MYLK3: variants seen among roughly 807,000 people sequenced by gnomAD.
MYLK3 encodes the protein myosin light chain kinase 3.
Under a neutral mutation model 76.3 loss-of-function variants are expected in MYLK3, and 55 were observed. That is an observed-to-expected ratio of 0.72 (90% confidence interval 0.58 to 0.90). MYLK3 has a LOEUF of 0.90. MYLK3 is among the 40% of genes least tolerant of loss of function. The pLI, the probability that MYLK3 is intolerant of heterozygous loss-of-function variation, is 0.00. For synonymous variants in MYLK3, 416 were observed against 425.4 expected, an observed-to-expected ratio of 0.98 and a Z score of 0.27; for missense variants, 973 against 1,053.6, an observed-to-expected ratio of 0.92 and a Z score of 1.06.
chr16:46,730,694 G>A lies in MYLK3; in HGVS notation c.1467C>T (p.Asp489=). ...GAEAGSVVLD[D]SPAPPAPFEH... ...CAAAAGGAGCTGGTGGGGCCGGACT[G>A]TCATCTGCTCAGGAGGCAATAAGGA... The change falls in exon 5 of 13, where the codon GAC becomes GAT. Residue 489 remains aspartate, a synonymous_variant. Coordinates refer to ENST00000394809, the MANE Select transcript of MYLK3 (RefSeq NM_182493.3). 1 of 1,613,898 alleles carries A rather than the reference G, an allele frequency of 6.2e-7. No individual in the cohort carries two copies. Among genetic ancestry groups the A allele is most frequent in the Non-Finnish European group, 8.5e-7 (1 of 1,179,992 alleles).
chr16:46,728,173 C>T (rs1596758472), intron 7 of MYLK3, among the ~76,000 whole-genome samples: 2 of 152,174 alleles, frequency 1.3e-5, no homozygotes, highest in East Asian at 3.8e-4. Flanking sequence ...AAAACAGCAA[C>T]ACAAGCACAA....
chr16:46,744,561 C>T (rs1478510885), intron 1 of MYLK3, among the ~76,000 whole-genome samples: 1 of 151,836 alleles, frequency 6.6e-6, no homozygotes, highest in Non-Finnish European at 1.5e-5. Flanking sequence ...AGGCTGGTCT[C>T]GAACTCCTGA....
chr16:46,729,252 C>G (rs1324582963), intron 6 of MYLK3, 119 bp from the exon 7 acceptor site: 2 of 783,048 alleles, frequency 2.6e-6, no homozygotes, highest in Non-Finnish European at 4.4e-6. Context: ...ATTCTCACAC[C>G]AGGTCTCCCT....
intron 8 of MYLK3, chr16:46,726,696 A>T (rs1285650170): frequency 6.7e-6 from 1 of 149,446 alleles, no homozygotes; most frequent in Non-Finnish European, 1.5e-5. Context: ...AAAGAAAGAA[A>T]GAAAGAAAGA....
intron 9 of MYLK3, among the ~76,000 whole-genome samples, chr16:46,718,858 C>T (rs1051526378): frequency 1.1e-4 from 17 of 150,870 alleles, no homozygotes; most frequent in Admixed American, 6.0e-4. Context: ...TCCAGCTACT[C>T]GGGAGGCTGA....
chr16:46,718,517 G>A (rs1195424630), intron 9 of MYLK3, among the ~76,000 whole-genome samples: 1 of 152,240 alleles, frequency 6.6e-6, no homozygotes, highest in Non-Finnish European at 1.5e-5. Flanking sequence ...AGCACTGAGG[G>A]TGTAGGTGCT....
intron 9 of MYLK3, among the ~76,000 whole-genome samples, chr16:46,718,012 C>T (rs1485666392): frequency 6.6e-6 from 1 of 152,204 alleles, no homozygotes; most frequent in Non-Finnish European, 1.5e-5. Context: ...AATATTGCCC[C>T]ATGGGGGACA....
In MYLK3 at chr16:46,704,449, A is replaced by G. The variant is rs1023172987; in HGVS notation, c.*3255T>C. Reference sequence around the variant, plus strand: ...TAGTATGAGAAAAAGAATATAAAATATCTCTTTTTTTTTGAGACGGAGTTT... The same window carrying G: ...TAGTATGAGAAAAAGAATATAAAATGTCTCTTTTTTTTTGAGACGGAGTTT... On this transcript the variant is annotated 3_prime_UTR_variant, in exon 13 of 13. Transcript: ENST00000394809. 5.3e-5 allele frequency: 8 copies of G among 151,694 alleles called. No individual in the cohort carries two copies. The highest frequency in any genetic ancestry group is 1.9e-4 in the African/African-American group (8 of 41,236). The allele number at this position is 151,694 out of a possible 1,614,324, so 9.4% of individuals were successfully genotyped here.
chr16:46,739,122 T>C (rs1281454383), intron 2 of MYLK3, among the ~76,000 whole-genome samples: 1 of 152,158 alleles, frequency 6.6e-6, no homozygotes, highest in Non-Finnish European at 1.5e-5. Context: ...ATTACAGGTG[T>C]GAGCCACCGT....
At chr16:46,730,440 C>CTCTGTGGG (rs1966850336) in intron 5 of MYLK3, among the ~76,000 whole-genome samples, 153 bp downstream of exon 5, 1 of 152,146 alleles carries the variant, frequency 6.6e-6, no homozygotes, top group African/African-American at 2.4e-5. Context: ...CCACCATGCA[C>CTCTGTGGG]CCCATGCTGT....
At chr16:46,740,545 ATATATATT>A (rs1966913083) in intron 1 of MYLK3, among the ~76,000 whole-genome samples, 1 of 99,570 alleles carries the variant, frequency 1.0e-5, no homozygotes, top group African/African-American at 3.7e-5. Context: ...ACATATATAT[ATATATATT>A]TTTTTTTTTT....
At chr16:46,735,087 G>A (rs1007998418) in intron 3 of MYLK3, among the ~76,000 whole-genome samples, 1 of 151,922 alleles carries the variant, frequency 6.6e-6, no homozygotes, top group Non-Finnish European at 1.5e-5. Context: ...GCTGAAGTGA[G>A]CCGAGATGGC....
intron 1 of MYLK3, among the ~76,000 whole-genome samples, chr16:46,758,480 G>C (rs1274522672): frequency 6.6e-6 from 1 of 152,124 alleles, no homozygotes; most frequent in Non-Finnish European, 1.5e-5. Flanking sequence ...CAGCCCTGTG[G>C]GGTGGGTCAT....
rs192343452 is a variant in MYLK3 at position 46,718,437 on chromosome 16, A to T, written c.1985+2686T>A. Among the ~76,000 whole-genome samples the T allele has an allele frequency of 1.3e-4, 20 of 152,334 alleles. No individual in the cohort carries two copies. The East Asian group carries it at 3.7e-3, about 28-fold the overall frequency. On this transcript the variant is annotated intron_variant, in intron 9 of 12. Coordinates refer to ENST00000394809, the MANE Select transcript of MYLK3 (RefSeq NM_182493.3). ...TACACTAGCAGCACATGGGGCACTG[A>T]AAATGCATCATCACACTGCAAATGG...
rs2143017200 is a variant in MYLK3 at position 46,747,903 on chromosome 16, C to T, written c.291G>A (p.Val97=). 6.2e-7 allele frequency: 1 copy of T among 1,613,908 alleles called. No individual in the cohort carries two copies. Among genetic ancestry groups the T allele is most frequent in the East Asian group, 2.2e-5 (1 of 44,880 alleles). Residue 97 remains valine, a synonymous_variant, in exon 1 of 13, where the codon GTG becomes GTA. Coordinates refer to ENST00000394809, the MANE Select transcript of MYLK3 (RefSeq NM_182493.3). ...QAGWPEVLEL[V]RAMQQDAAQH... is the part of the protein sequence containing the mutation. ...GGGCCGCATCCTGCTGCATGGCCCT[C>T]ACCAGCTCCAGGACCTCGGGCCACC...
At chr16:46,759,975 G>A (rs1393705702) in intron 1 of MYLK3, among the ~76,000 whole-genome samples, 1 of 152,158 alleles carries the variant, frequency 6.6e-6, no homozygotes, top group African/African-American at 2.4e-5. Context: ...TCTGCTTTCT[G>A]TCTAGAACCC....
intron 3 of MYLK3, among the ~76,000 whole-genome samples, chr16:46,737,136 G>A (rs1056426041): frequency 6.6e-6 from 1 of 152,200 alleles, no homozygotes; most frequent in Admixed American, 6.5e-5. Flanking sequence ...TGCAGTGATT[G>A]GGGCACAGGT....
chr16:46,708,759 C>G (rs1281304754), intron 12 of MYLK3, among the ~76,000 whole-genome samples: 3 of 152,204 alleles, frequency 2.0e-5, no homozygotes, highest in African/African-American at 7.2e-5. Context: ...TTGGAAGCCA[C>G]TTCCCTGGAT....
chr16:46,731,424 C>T (rs1966852295), intron 4 of MYLK3, among the ~76,000 whole-genome samples: 1 of 152,166 alleles, frequency 6.6e-6, no homozygotes, highest in Admixed American at 6.5e-5. Context: ...ATGAATAAAA[C>T]AGAATCTAGA....
Sources: allele counts gnomAD v4.1 joint callset (sites outside exome capture counted in the v4.1 genomes callset), GRCh38; gene constraint gnomAD v4.1.1; transcripts MANE v1.5; gene names NCBI Gene and HGNC (gene_info 2026-07-23, HGNC 2026-07-21).